PSMC6: variants seen among roughly 807,000 people sequenced by gnomAD.
The protein encoded by PSMC6 is 26S proteasome regulatory subunit 10B.
A neutral mutation model predicts 55.9 loss-of-function variants in PSMC6; 3 were observed. The observed-to-expected ratio is 0.05, with a 90% CI of 0.02 to 0.14. The LOEUF is 0.14. Among genes scored for constraint, PSMC6 ranks in the 10% least tolerant of loss-of-function variants. The pLI, the probability that PSMC6 is intolerant of heterozygous loss-of-function variation, is 1.00. For synonymous variants in PSMC6, 137 were observed against 155.9 expected, an observed-to-expected ratio of 0.88 and a Z score of 0.90; for missense variants, 210 against 478.7, an observed-to-expected ratio of 0.44 and a Z score of 5.24.
chr14:52,714,007 A>G (rs759090843), intron 7 of PSMC6, 39 bp downstream of exon 7: 1 of 1,208,240 alleles, frequency 8.3e-7, no homozygotes, highest in African/African-American at 1.5e-5. Context: ...AATAAGATAA[A>G]TGAATTAAGG....
At chr14:52,727,182 A>G (rs995191381) in intron 13 of PSMC6, among the ~76,000 whole-genome samples, 1 of 150,604 alleles carries the variant, frequency 6.6e-6, no homozygotes, top group Non-Finnish European at 1.5e-5. Flanking sequence ...CACCATGCCC[A>G]GCTAATTTTT....
At chr14:52,723,923 G>A (rs372327169) in intron 12 of PSMC6, 42 bp from the exon 13 acceptor site, 8 of 1,603,200 alleles carry the variant, frequency 5.0e-6, no homozygotes, top group Non-Finnish European at 6.8e-6. Flanking sequence ...TCAAGTAAAG[G>A]TCTAATTTTT....
At chr14:52,726,698 G>A (rs1880427991) in intron 13 of PSMC6, among the ~76,000 whole-genome samples, 1 of 152,136 alleles carries the variant, frequency 6.6e-6, no homozygotes, top group African/African-American at 2.4e-5. Context: ...CTGGAGTGCA[G>A]TGGTGCGATC....
At chr14:52,723,905 G>T in intron 12 of PSMC6, 60 bp from the exon 13 acceptor site, 1 of 1,595,592 alleles carries the variant, frequency 6.3e-7, no homozygotes, top group Non-Finnish European at 8.5e-7. Flanking sequence ...TTTCGATGTG[G>T]GCATAAATCA....
chr14:52,714,045 AT>A, intron 7 of PSMC6, 77 bp downstream of exon 7: 2 of 1,048,950 alleles, frequency 1.9e-6, no homozygotes, highest in Non-Finnish European at 1.4e-6. Flanking sequence ...CAATTTTTTT[AT>A]TTTTATTTTT....
In PSMC6 at chr14:52,720,942, C is replaced by T. The variant is rs143101806; in HGVS notation, c.859C>T (p.Pro287Ser). 2.0e-5 allele frequency: 32 copies of T among 1,613,190 alleles called. No individual in the cohort carries two copies. Among genetic ancestry groups the T allele is most frequent in the Non-Finnish European group, 8.5e-7 (1 of 1,179,472 alleles). The change falls in exon 11 of 14, where the codon CCT becomes TCT. Residue 287 changes from proline (P) to serine (S), a missense_variant. Around this residue, in one of 4 missense-constraint regions of PSMC6, gnomAD observed 79 missense variants for 158.7 expected, o/e 0.50. Coordinates refer to ENST00000445930, the MANE Select transcript of PSMC6 (RefSeq NM_002806.5). ...TACAAACAGACCAGATACACTGGAT[C>T]CTGCTTTGCTGCGTCCAGGAAGATT... ...MATNRPDTLD[P>S]ALLRPGRLDR...
At chr14:52,710,881 A>G (rs1391978210) in intron 4 of PSMC6, 8 of 541,606 alleles carry the variant, frequency 1.5e-5, no homozygotes, top group East Asian at 6.9e-5. Flanking sequence ...CACATTTTAC[A>G]CTGAGATTAC....
intron 7 of PSMC6, among the ~76,000 whole-genome samples, chr14:52,715,714 T>C (rs1195476912): frequency 6.6e-6 from 1 of 151,608 alleles, no homozygotes. Flanking sequence ...CCTCTTGGGC[T>C]CAGGTGATTC....
chr14:52,724,345 C>T (rs1387853492), intron 13 of PSMC6, among the ~76,000 whole-genome samples: 1 of 152,212 alleles, frequency 6.6e-6, no homozygotes, highest in Non-Finnish European at 1.5e-5. Flanking sequence ...TTTACCAGTA[C>T]TCATCCCCCA....
intron 13 of PSMC6, 117 bp downstream of exon 13, chr14:52,724,153 T>C: frequency 1.1e-6 from 1 of 894,096 alleles, no homozygotes; most frequent in Non-Finnish European, 1.7e-6. Flanking sequence ...TTCATGCTGT[T>C]CTTTTAGGAA....
At chr14:52,721,338 A>G in intron 12 of PSMC6, 148 bp downstream of exon 12, 2 of 671,704 alleles carry the variant, frequency 3.0e-6, no homozygotes, top group East Asian at 5.8e-5. Context: ...AGCATCTACT[A>G]TAAGCTAGGA....
At chr14:52,716,292 A>T (rs969779037) in intron 7 of PSMC6, among the ~76,000 whole-genome samples, 1 of 152,246 alleles carries the variant, frequency 6.6e-6, no homozygotes, top group African/African-American at 2.4e-5. Flanking sequence ...AGGTTCCTCA[A>T]AAAACTAAAA....
Position 52,727,483 on chromosome 14 carries a change from G to C in PSMC6, c.1052-16G>C, listed in dbSNP as rs1194306994. Reference sequence around the variant, plus strand: ...ATATGTGATATATAGCAGTCATGTTGTTTTATTCTCTACAGGTATGTTCGC... The same window carrying C: ...ATATGTGATATATAGCAGTCATGTTCTTTTATTCTCTACAGGTATGTTCGC... On this transcript the variant is annotated splice_polypyrimidine_tract_variant and intron_variant, in intron 13 of 13. Transcript: ENST00000445930. 23 of 1,551,296 alleles carry C rather than the reference G, an allele frequency of 1.5e-5. No homozygotes were observed. In the South Asian group the frequency reaches 2.3e-4, roughly 15 times the overall value.
chr14:52,726,325 A>T (rs1024543672), intron 13 of PSMC6, among the ~76,000 whole-genome samples: 2 of 152,234 alleles, frequency 1.3e-5, no homozygotes, highest in African/African-American at 4.8e-5. Flanking sequence ...TATGAATCAA[A>T]TAAAAATACC....
intron 13 of PSMC6, among the ~76,000 whole-genome samples, 160 bp downstream of exon 13, chr14:52,724,196 T>A (rs1403585762): frequency 1.3e-5 from 2 of 151,944 alleles, no homozygotes; most frequent in African/African-American, 4.8e-5. Context: ...GCAGGGCAAG[T>A]GAGATGGAAA....
intron 3 of PSMC6, 96 bp from the exon 4 acceptor site, chr14:52,708,668 T>C: frequency 1.3e-6 from 2 of 1,572,426 alleles, no homozygotes; most frequent in Non-Finnish European, 1.7e-6. Context: ...AATGTCTCCT[T>C]GGAGGACAGA....
At chr14:52,727,101 A>C (rs1399970676) in intron 13 of PSMC6, among the ~76,000 whole-genome samples, 1 of 142,646 alleles carries the variant, frequency 7.0e-6, no homozygotes, top group African/African-American at 2.7e-5. Flanking sequence ...GCTCACTGCA[A>C]CCTCCGCCTC....
intron 13 of PSMC6, among the ~76,000 whole-genome samples, 177 bp from the exon 14 acceptor site, chr14:52,727,322 C>T (rs1333418209): frequency 1.3e-5 from 2 of 152,098 alleles, no homozygotes; most frequent in Non-Finnish European, 2.9e-5. Context: ...AGCCACCGCA[C>T]CCGGCCTGTG....
chr14:52,718,391 T>C, intron 9 of PSMC6, 39 bp downstream of exon 9: 2 of 1,578,008 alleles, frequency 1.3e-6, no homozygotes, highest in African/African-American at 1.4e-5. Flanking sequence ...TAGGACTTTT[T>C]TTTAAATGTA....
Sources: allele counts gnomAD v4.1 joint callset (sites outside exome capture counted in the v4.1 genomes callset), GRCh38; gene constraint gnomAD v4.1.1; regional missense constraint gnomAD v4.1.1; transcripts MANE v1.5; gene names NCBI Gene and HGNC (gene_info 2026-07-23, HGNC 2026-07-21).